NAALADL2: variants seen among roughly 807,000 people sequenced by gnomAD.
NAALADL2 encodes inactive N-acetylated-alpha-linked acidic dipeptidase-like protein 2.
A neutral mutation model predicts 87.2 loss-of-function variants in NAALADL2; 76 were observed. The observed-to-expected ratio is 0.87, with a 90% CI of 0.72 to 1.05. The LOEUF is 1.05. NAALADL2 is among the 50% of genes least tolerant of loss of function. NAALADL2 has a pLI of 0.00. For missense variants in NAALADL2, 1,089 were observed against 945.8 expected (o/e 1.15, Z -1.99); for synonymous variants, 354 against 331.0 (o/e 1.07, Z -0.75).
Position 175,802,123 on chromosome 3 carries a change from T to A in NAALADL2, c.2190-882T>A, listed in dbSNP as rs549904530. 9.8e-4 allele frequency among the ~76,000 whole-genome samples: 143 copies of A among 146,238 alleles called. 1 individual carries two copies. Among genetic ancestry groups the A allele is most frequent in the African/African-American group, 3.6e-3 (133 of 37,416 alleles). On this transcript the variant is annotated intron_variant, in intron 13 of 13. Transcript: ENST00000454872. ...AAATTCCAGACATAATAACATTTCA[T>A]TTGCAAATATTACAGTGTGTATTAA...
chr3:175,152,206 T>C (rs978412337), intron 2 of NAALADL2, among the ~76,000 whole-genome samples: 20 of 152,292 alleles, frequency 1.3e-4, no homozygotes, highest in African/African-American at 4.8e-4. Flanking sequence ...GAGATCATAA[T>C]ATAATAAAGA....
intron 4 of NAALADL2, among the ~76,000 whole-genome samples, chr3:175,306,344 C>A (rs548062581): frequency 6.6e-6 from 1 of 152,102 alleles, no homozygotes; most frequent in Non-Finnish European, 1.5e-5. Context: ...CTATATAAGG[C>A]AAATACCATT....
At chr3:175,200,522 A>G (rs1739863533) in intron 2 of NAALADL2, among the ~76,000 whole-genome samples, 1 of 152,152 alleles carries the variant, frequency 6.6e-6, no homozygotes, top group African/African-American at 2.4e-5. Flanking sequence ...TCAGTTTCTA[A>G]AACGCTCAAT....
intron 4 of NAALADL2, among the ~76,000 whole-genome samples, chr3:175,298,805 T>C (rs1448529105): frequency 6.6e-6 from 1 of 152,198 alleles, no homozygotes; most frequent in Non-Finnish European, 1.5e-5. Flanking sequence ...AACTTTCATG[T>C]ATATGGAAAA....
intron 12 of NAALADL2, among the ~76,000 whole-genome samples, chr3:175,751,890 T>C (rs1180146564): frequency 2.0e-5 from 3 of 152,030 alleles, no homozygotes; most frequent in Non-Finnish European, 1.5e-5. Flanking sequence ...TTTATTTCAA[T>C]TTAGTTTAAT....
intron 2 of NAALADL2, among the ~76,000 whole-genome samples, chr3:174,697,450 A>G (rs1177146289): frequency 1.3e-5 from 2 of 152,180 alleles, no homozygotes; most frequent in Non-Finnish European, 2.9e-5. Flanking sequence ...CCTTCCAGTA[A>G]GTCACATTAG....
intron 5 of NAALADL2, among the ~76,000 whole-genome samples, chr3:175,417,857 T>G (rs1024414834): frequency 2.0e-5 from 3 of 152,166 alleles, no homozygotes; most frequent in Non-Finnish European, 4.4e-5. Flanking sequence ...CATTGAGTAT[T>G]GAAAGCCAGC....
At chr3:174,587,753 A>T (rs1389046173) in intron 2 of NAALADL2, among the ~76,000 whole-genome samples, 1 of 152,138 alleles carries the variant, frequency 6.6e-6, no homozygotes, top group African/African-American at 2.4e-5. Context: ...CCACTGTTAG[A>T]CAAATGGGCT....
rs192622282 is a variant in NAALADL2 at position 175,588,578 on chromosome 3, G to T, written c.1800+12391G>T. On this transcript the variant is annotated intron_variant, in intron 10 of 13. Transcript: ENST00000454872. ...TTTTGAGATGGAATCTTGCTCTGTC[G>T]CCGAGGCTGGAGTGCAGTGGCACGA... Among the ~76,000 whole-genome samples the T allele has an allele frequency of 7.9e-3, 891 of 112,424 alleles. 9 individuals carry two copies. Among genetic ancestry groups the T allele is most frequent in the African/African-American group, 0.03 (853 of 28,130 alleles). 73.8% of individuals were successfully genotyped at this position (112,424 alleles called of 152,430 possible). A position where few individuals can be genotyped will look rare whatever the true frequency, so the allele number is the denominator to read the frequency against.
intron 1 of NAALADL2, among the ~76,000 whole-genome samples, chr3:174,478,591 T>C (rs187730651): frequency 2.0e-5 from 3 of 152,280 alleles, no homozygotes; most frequent in East Asian, 3.9e-4. Context: ...TAGATATCAG[T>C]TGGAAAATAT....
At chr3:174,787,620 T>TATACACAC (rs1489900205) in intron 3 of NAALADL2, among the ~76,000 whole-genome samples, 1 of 117,496 alleles carries the variant, frequency 8.5e-6, no homozygotes, top group African/African-American at 2.9e-5. Context: ...TATATATATA[T>TATACACAC]AGTAGTGACT....
chr3:175,721,115 A>G (rs1413674807), intron 11 of NAALADL2, among the ~76,000 whole-genome samples: 1 of 152,052 alleles, frequency 6.6e-6, no homozygotes, highest in Admixed American at 6.6e-5. Flanking sequence ...AGGTGTGAGC[A>G]TCTTGCGTAG....
intron 5 of NAALADL2, among the ~76,000 whole-genome samples, chr3:175,402,729 T>G (rs1466529764): frequency 1.3e-5 from 2 of 152,044 alleles, no homozygotes; most frequent in African/African-American, 4.8e-5. Context: ...TGGATTTTAG[T>G]ATCTTCTGGG....
intron 2 of NAALADL2, among the ~76,000 whole-genome samples, chr3:174,644,131 A>C (rs189232263): frequency 6.6e-6 from 1 of 152,338 alleles, no homozygotes; most frequent in African/African-American, 2.4e-5. Context: ...TTATTCACTA[A>C]AAATCATTGA....
chr3:175,576,608 A>G (rs1166668772), intron 10 of NAALADL2, among the ~76,000 whole-genome samples: 43 of 152,212 alleles, frequency 2.8e-4, no homozygotes, highest in Admixed American at 2.8e-3. Flanking sequence ...AAGTTTGTCA[A>G]TAGTTTGCCT....
intron 3 of NAALADL2, among the ~76,000 whole-genome samples, chr3:174,782,223 C>A (rs1338739260): frequency 6.6e-6 from 1 of 151,938 alleles, no homozygotes; most frequent in East Asian, 1.9e-4. Context: ...TCACTGAGTA[C>A]AAGGTTACAT....
intron 2 of NAALADL2, among the ~76,000 whole-genome samples, chr3:174,668,991 C>T (rs1453961430): frequency 2.0e-5 from 3 of 152,128 alleles, no homozygotes; most frequent in African/African-American, 4.8e-5. Context: ...TGAGGAATTG[C>T]CACACTGACT....
chr3:175,212,296 C>T (rs531770886), intron 2 of NAALADL2, among the ~76,000 whole-genome samples: 1 of 151,492 alleles, frequency 6.6e-6, no homozygotes, highest in Admixed American at 6.6e-5. Flanking sequence ...CTCACAATCA[C>T]ATTACTATAT....
chr3:175,314,577 A>AC (rs1758803035), intron 4 of NAALADL2, among the ~76,000 whole-genome samples: 2 of 131,672 alleles, frequency 1.5e-5, no homozygotes, highest in African/African-American at 5.6e-5. Flanking sequence ...ATATATATAT[A>AC]TATATATATA....
Sources: allele counts gnomAD v4.1 joint callset (sites outside exome capture counted in the v4.1 genomes callset), GRCh38; gene constraint gnomAD v4.1.1; transcripts MANE v1.5; gene names NCBI Gene and HGNC (gene_info 2026-07-23, HGNC 2026-07-21).